The following F2RL2 variants were observed in gnomAD, a reference collection of about 807,000 sequenced individuals.
F2RL2 encodes the protein coagulation factor II thrombin receptor like 2.
F2RL2 carries 4 observed loss-of-function variants against 4.3 expected under a neutral mutation model. The ratio of observed to expected loss-of-function variants is 0.93; its 90% CI spans 0.46 to 2.12. F2RL2 has a LOEUF of 2.12. Among genes scored for constraint, F2RL2 ranks in the 30% most tolerant of loss-of-function variants. F2RL2 has a pLI of 0.02. For synonymous variants in F2RL2, 166 were observed against 170.9 expected (o/e 0.97, Z 0.22); for missense variants, 408 against 449.3 (o/e 0.91, Z 0.83).
rs770934396 is a variant in F2RL2, at chr5:76,617,717, G to A, written c.990C>T (p.Tyr330=). 2.5e-6 allele frequency: 4 copies of A among 1,614,016 alleles called. No homozygotes were observed. Among genetic ancestry groups the A allele is most frequent in the Middle Eastern group, 3.3e-4 (2 of 6,062 alleles). The change falls in exon 2 of 2, where the codon TAC becomes TAT. Residue 330 remains tyrosine, a synonymous_variant. Transcript: ENST00000296641. The part of the protein sequence containing the change: ...ILIIHHANYY[Y]NNTDGLYFIY... ...TAAAATATAAGCCATCAGTGTTGTTGTAGTAGTAGTTAGCATGGTGAATAA... is the reference window on the plus strand; with the variant it reads ...TAAAATATAAGCCATCAGTGTTGTTATAGTAGTAGTTAGCATGGTGAATAA...
chr5:76,617,687 A>C lies in F2RL2; in HGVS notation c.1020T>G (p.Tyr340Ter), dbSNP rs866069607. The C allele has an allele frequency of 1.9e-6, 3 of 1,614,078 alleles. No individual in the cohort carries two copies. Among genetic ancestry groups the C allele is most frequent in the Non-Finnish European group, 1.7e-6 (2 of 1,179,976 alleles). The part of the protein sequence containing the change: ...YNNTDGLYFI[Y>*]LIALCLGSLN... ...GACTACCCAGGCACAAAGCTATGAG[A>C]TATATAAAATATAAGCCATCAGTGT... Residue 340 changes from tyrosine (Y) to a stop codon, truncating the protein, a stop_gained, in exon 2 of 2, where the codon TAT becomes TAG. Coordinates refer to ENST00000296641, the MANE Select transcript of F2RL2 (RefSeq NM_004101.4). LOFTEE classifies it high-confidence loss of function.
rs1748928677 is a variant in F2RL2, at chr5:76,615,997, A to G, written c.*1585T>C. On this transcript the variant is annotated 3_prime_UTR_variant, in exon 2 of 2. Transcript: ENST00000296641. ...AACTGCTTTGAGATTTTAAAAATTCATTCAGCCACATAGTATTCAAAGCAT... is the reference window on the plus strand; with the variant it reads ...AACTGCTTTGAGATTTTAAAAATTCGTTCAGCCACATAGTATTCAAAGCAT... 6.6e-6 allele frequency: 1 copy of G among 152,628 alleles called. No individual in the cohort carries two copies. The highest frequency in any genetic ancestry group is 2.4e-5 in the African/African-American group (1 of 41,452). 9.5% of individuals were successfully genotyped at this position (152,628 alleles called of 1,614,324 possible).
In F2RL2 at chr5:76,623,149, C is replaced by T; in HGVS notation, c.64+18G>A. 5 of 1,613,610 alleles carry T rather than the reference C, an allele frequency of 3.1e-6. No homozygotes were observed. The South Asian group carries it at 3.3e-5, about 11-fold the overall frequency. ...AGAAACCCACATCCCCATCCTACCC[C>T]CTGAGAAAATTGCTTACCACTCTGA... On this transcript the variant is annotated intron_variant, in intron 1 of 1. Transcript: ENST00000296641.
Position 76,617,366 on chromosome 5 carries a change from A to G in F2RL2, c.*216T>C, listed in dbSNP as rs368607249. The G allele has an allele frequency of 1.8e-5, 8 of 452,038 alleles. No homozygotes were observed. The highest frequency in any genetic ancestry group is 3.7e-5 in the Admixed American group (1 of 26,796). 28.0% of individuals were successfully genotyped at this position (452,038 alleles called of 1,614,324 possible). A position where few individuals can be genotyped will look rare whatever the true frequency, so the allele number is the denominator to read the frequency against. Reference sequence around the variant, plus strand: ...GCTGACCTGGGAGGCAGAGGTTGCAATGAGCCAAGATAGTGCCACTGCACG... The same window carrying G: ...GCTGACCTGGGAGGCAGAGGTTGCAGTGAGCCAAGATAGTGCCACTGCACG... On this transcript the variant is annotated 3_prime_UTR_variant, in exon 2 of 2. Coordinates refer to ENST00000296641, the MANE Select transcript of F2RL2 (RefSeq NM_004101.4).
chr5:76,621,139 T>C (rs1580639099), intron 1 of F2RL2, among the ~76,000 whole-genome samples: 1 of 152,194 alleles, frequency 6.6e-6, no homozygotes, highest in African/African-American at 2.4e-5. Context: ...TACTTGAAGT[T>C]AGTGTTTAGT....
Position 76,617,525 on chromosome 5 carries a change from G to T in F2RL2, c.*57C>A. The T allele has an allele frequency of 7.3e-7, 1 of 1,377,296 alleles. No individual in the cohort carries two copies. The highest frequency in any genetic ancestry group is 1.0e-6 in the Non-Finnish European group (1 of 999,402). 85.3% of individuals were successfully genotyped at this position (1,377,296 alleles called of 1,614,324 possible). On this transcript the variant is annotated 3_prime_UTR_variant, in exon 2 of 2. Transcript: ENST00000296641. ...GAGCTCCTTGCACTATGCTTATGTT[G>T]TTCTTGAAAACAGACGTTCTCTGTG...
At chr5:76,618,898 C>T (rs1207103462) in intron 1 of F2RL2, among the ~76,000 whole-genome samples, 3 of 152,058 alleles carry the variant, frequency 2.0e-5, no homozygotes, top group African/African-American at 7.2e-5. Flanking sequence ...TTAGAAGAAA[C>T]AAAAACAGCC....
At chr5:76,621,852 C>T (rs545211098) in intron 1 of F2RL2, among the ~76,000 whole-genome samples, 3 of 152,134 alleles carry the variant, frequency 2.0e-5, no homozygotes, top group East Asian at 1.9e-4. Flanking sequence ...TTTTTCTATC[C>T]GGGAAAAGGC....
intron 1 of F2RL2, among the ~76,000 whole-genome samples, chr5:76,619,060 A>G (rs1438143220): frequency 6.6e-6 from 1 of 152,232 alleles, no homozygotes; most frequent in Non-Finnish European, 1.5e-5. Context: ...AATGAGTAAG[A>G]TTCTGCTGGT....
Position 76,616,705 on chromosome 5 carries a change from T to C in F2RL2, c.*877A>G, listed in dbSNP as rs2069688. ...TCTCTGCAAAAAATAAAAAATAAAA[T>C]TAGTTGGGTATGGTGGTGCATGCCT... On this transcript the variant is annotated 3_prime_UTR_variant, in exon 2 of 2. Transcript: ENST00000296641. 4.5e-4 allele frequency: 69 copies of C among 151,998 alleles called. No homozygotes were observed. The highest frequency in any genetic ancestry group is 1.5e-3 in the African/African-American group (62 of 41,376). The allele number at this position is 151,998 out of a possible 1,614,324, so 9.4% of individuals were successfully genotyped here. A position where few individuals can be genotyped will look rare whatever the true frequency, so the allele number is the denominator to read the frequency against.
At chr5:76,618,789 A>G (rs1302069128) in intron 1 of F2RL2, 147 bp from the exon 2 acceptor site, 4 of 704,350 alleles carry the variant, frequency 5.7e-6, no homozygotes, top group Admixed American at 5.8e-5. Context: ...GTCAACAAGC[A>G]TATATTTAAT....
chr5:76,622,115 C>T (rs1749747939), intron 1 of F2RL2, among the ~76,000 whole-genome samples: 1 of 152,194 alleles, frequency 6.6e-6, no homozygotes, highest in Admixed American at 6.5e-5. Flanking sequence ...CTTCACATTT[C>T]TCCCCCACCC....
In F2RL2 at chr5:76,616,103, T is replaced by G. The variant is rs1012159767; in HGVS notation, c.*1479A>C. ...CAGAGGATGAGCACCTTCTCCATTA[T>G]ACTTGGTACTTGATTGTTCATGGAA... On this transcript the variant is annotated 3_prime_UTR_variant, in exon 2 of 2. Coordinates refer to ENST00000296641, the MANE Select transcript of F2RL2 (RefSeq NM_004101.4). The G allele has an allele frequency of 6.6e-6, 1 of 152,670 alleles. No individual in the cohort carries two copies. The highest frequency in any genetic ancestry group is 2.4e-5 in the African/African-American group (1 of 41,466). The allele number at this position is 152,670 out of a possible 1,614,324, so 9.5% of individuals were successfully genotyped here.
Position 76,618,427 on chromosome 5 carries a change from T to A in F2RL2, c.280A>T (p.Thr94Ser). 1 of 1,614,204 alleles carries A rather than the reference T, an allele frequency of 6.2e-7. No individual in the cohort carries two copies. Among genetic ancestry groups the A allele is most frequent in the African/African-American group, 1.3e-5 (1 of 75,048 alleles). Residue 94 changes from threonine to serine, a missense_variant, in exon 2 of 2, where the codon ACT becomes TCT. By Grantham distance (58) the Thr-to-Ser change is moderately conservative (BLOSUM62 1). Transcript: ENST00000296641. ...AGGTAGATGGCAGGTATCAGTTTAGTACTTAAGGAGCTGGTCAGGTACCCC... is the reference window on the plus strand; with the variant it reads ...AGGTAGATGGCAGGTATCAGTTTAGAACTTAAGGAGCTGGTCAGGTACCCC... ...TMGYLTSSLS[T>S]KLIPAIYLLV...
In F2RL2 at chr5:76,617,711, G is replaced by A. The variant is rs552921557; in HGVS notation, c.996C>T (p.Asn332=). The change falls in exon 2 of 2, where the codon AAC becomes AAT. Residue 332 remains asparagine (N), a synonymous_variant. Transcript: ENST00000296641. The stretch of plus-strand genomic sequence containing the variant: ...GATATATAAAATATAAGCCATCAGT[G>A]TTGTTGTAGTAGTAGTTAGCATGGT... ...IIHHANYYYN[N]TDGLYFIYLI... The A allele has an allele frequency of 1.2e-6, 2 of 1,614,076 alleles. No homozygotes were observed. The highest frequency in any genetic ancestry group is 2.2e-5 in the East Asian group (1 of 44,862).
At chr5:76,623,102 C>T in intron 1 of F2RL2, 65 bp downstream of exon 1, 1 of 1,471,178 alleles carries the variant, frequency 6.8e-7, no homozygotes, top group African/African-American at 1.4e-5. Context: ...AACCTAGGTT[C>T]AGTTGACTCT....
At chr5:76,619,102 C>CTGTCCCACAG (rs1749328506) in intron 1 of F2RL2, among the ~76,000 whole-genome samples, 1 of 152,184 alleles carries the variant, frequency 6.6e-6, no homozygotes, top group Non-Finnish European at 1.5e-5. Flanking sequence ...TGTGGGCTAT[C>CTGTCCCACAG]ATGGGATCTG....
chr5:76,621,099 C>T (rs150999139), intron 1 of F2RL2, among the ~76,000 whole-genome samples: 143 of 152,286 alleles, frequency 9.4e-4, no homozygotes, highest in African/African-American at 3.4e-3. Flanking sequence ...TATGTCTTGT[C>T]CCATGGCCTC....
chr5:76,618,134 G>A lies in F2RL2; in HGVS notation c.573C>T (p.Arg191=), dbSNP rs114654135. The A allele has an allele frequency of 5.4e-4, 877 of 1,614,152 alleles. 6 individuals carry two copies. The African/African-American group carries it at 0.011, about 19-fold the overall frequency. ...ILLLACISIN[R]YLAIVHPFTY... ...TGAAAGGATGGACGATGGCCAGGTA[G>A]CGGTTGATGCTGATGCAGGCAAGGA... is the stretch of plus-strand genomic sequence containing the variant. Residue 191 remains arginine (R), a synonymous_variant, in exon 2 of 2, where the codon CGC becomes CGT. Coordinates refer to ENST00000296641, the MANE Select transcript of F2RL2 (RefSeq NM_004101.4).
Sources: gnomAD v4.1 joint callset for allele counts (sites outside exome capture counted in the v4.1 genomes callset) on GRCh38, gnomAD v4.1.1 for gene constraint, MANE v1.5 for transcripts, NCBI Gene and HGNC (gene_info 2026-07-23, HGNC 2026-07-21) for gene names.